Variants in QKI observed in about 807,000 individuals in gnomAD.
QKI encodes KH domain-containing RNA-binding protein QKI.
A neutral mutation model predicts 39.0 loss-of-function variants in QKI; 10 were observed. That is an observed-to-expected ratio of 0.26 (90% CI 0.16 to 0.43). The LOEUF is 0.43. QKI is among the 20% of genes least tolerant of loss of function. The pLI, the probability that QKI is intolerant of heterozygous loss-of-function variation, is 1.00. For missense variants in QKI, 218 were observed against 428.0 expected, an observed-to-expected ratio of 0.51 and a Z score of 4.33; for synonymous variants, 204 against 155.4, an observed-to-expected ratio of 1.31 and a Z score of -2.33.
chr6:163,459,466 T>A (rs1043773016), intron 2 of QKI, among the ~76,000 whole-genome samples: 8 of 152,108 alleles, frequency 5.3e-5, no homozygotes, highest in East Asian at 3.8e-4. Flanking sequence ...AACAAAGAAT[T>A]ACCTGGACCC....
At chr6:163,552,084 A>T (rs561057341) in intron 4 of QKI, among the ~76,000 whole-genome samples, 201 of 152,256 alleles carry the variant, frequency 1.3e-3, no homozygotes, top group African/African-American at 4.6e-3. Flanking sequence ...TATGTATATT[A>T]TATACTGTAT....
chr6:163,484,274 G>A (rs1562477956), intron 3 of QKI, among the ~76,000 whole-genome samples: 3 of 151,358 alleles, frequency 2.0e-5, no homozygotes. Flanking sequence ...GCAATCTCAG[G>A]TCACTGCAAC....
At chr6:163,477,128 GC>G (rs1408916607) in intron 2 of QKI, among the ~76,000 whole-genome samples, 1 of 150,368 alleles carries the variant, frequency 6.7e-6, no homozygotes, top group African/African-American at 2.5e-5. Flanking sequence ...TGATTCTCAT[GC>G]CTCGGCCACC....
rs914405471 is a variant in QKI, at chr6:163,578,460, T to A, written c.*7750T>A. Reference sequence around the variant, plus strand: ...GTTTTCAATGATTGATTTATAAAATTAAGACATACTGGTAGTACAAGTTGA... The same window carrying A: ...GTTTTCAATGATTGATTTATAAAATAAAGACATACTGGTAGTACAAGTTGA... On this transcript the variant is annotated 3_prime_UTR_variant, in exon 8 of 8. Coordinates refer to ENST00000361752, the MANE Select transcript of QKI (RefSeq NM_006775.3). 2.6e-5 allele frequency: 4 copies of A among 152,208 alleles called. No homozygotes were observed. The highest frequency in any genetic ancestry group is 5.9e-5 in the Non-Finnish European group (4 of 68,044). 9.4% of individuals were successfully genotyped at this position (152,208 alleles called of 1,614,324 possible). A position where few individuals can be genotyped will look rare whatever the true frequency, so the allele number is the denominator to read the frequency against.
chr6:163,564,300 T>C, intron 6 of QKI: 8 of 1,003,966 alleles, frequency 8.0e-6, no homozygotes, highest in Non-Finnish European at 9.8e-6. Flanking sequence ...CATCATAGAG[T>C]GTACTTACAC....
At chr6:163,545,672 C>T (rs760480692) in intron 4 of QKI, among the ~76,000 whole-genome samples, 1 of 152,046 alleles carries the variant, frequency 6.6e-6, no homozygotes, top group Non-Finnish European at 1.5e-5. Context: ...GAATAACATC[C>T]TCCTCTTGAT....
intron 3 of QKI, among the ~76,000 whole-genome samples, chr6:163,482,707 G>A (rs1243840245): frequency 6.6e-6 from 1 of 152,282 alleles, no homozygotes; most frequent in African/African-American, 2.4e-5. Flanking sequence ...CAAGACATGT[G>A]GGAAGGGGCT....
chr6:163,537,516 G>A (rs992409190), intron 4 of QKI, among the ~76,000 whole-genome samples: 2 of 152,142 alleles, frequency 1.3e-5, no homozygotes, highest in Non-Finnish European at 2.9e-5. Flanking sequence ...ATCTTGAAAT[G>A]TACCTTTAAT....
chr6:163,472,588 T>C (rs1363437830), intron 2 of QKI, among the ~76,000 whole-genome samples: 4 of 152,208 alleles, frequency 2.6e-5, no homozygotes. Context: ...TTTGCATTCT[T>C]TTTAAGCACC....
chr6:163,451,814 T>C (rs924289690), intron 1 of QKI, among the ~76,000 whole-genome samples: 16 of 152,192 alleles, frequency 1.1e-4, no homozygotes, highest in Non-Finnish European at 2.1e-4. Flanking sequence ...AGCATTCCTA[T>C]GTTTCATGAG....
chr6:163,473,414 T>A (rs1374820306), intron 2 of QKI, among the ~76,000 whole-genome samples: 1 of 152,150 alleles, frequency 6.6e-6, no homozygotes, highest in Non-Finnish European at 1.5e-5. Context: ...GCAGATGGCA[T>A]GGACACAATG....
At chr6:163,446,836 T>G (rs1399208316) in intron 1 of QKI, among the ~76,000 whole-genome samples, 3 of 152,178 alleles carry the variant, frequency 2.0e-5, no homozygotes, top group Non-Finnish European at 4.4e-5. Context: ...CAGTGACCTA[T>G]TTTACTTTCT....
chr6:163,414,839 C>CG lies in QKI; in HGVS notation c.-353dup, dbSNP rs1787284100. 1 of 143,890 alleles carries CG rather than the reference C, an allele frequency of 6.9e-6. No homozygotes were observed. The highest frequency in any genetic ancestry group is 2.5e-5 in the African/African-American group (1 of 39,804). 8.9% of individuals were successfully genotyped at this position (143,890 alleles called of 1,614,324 possible). ...CGGGCTCGACCAGCCGAGCGAGCGG[C>CG]GGCCCCGGCTCCTCCTCGTCCGGCG... is the stretch of plus-strand genomic sequence containing the variant. On this transcript the variant is annotated 5_prime_UTR_variant, in exon 1 of 8. Transcript: ENST00000361752.
chr6:163,436,392 T>C (rs1296174398), intron 1 of QKI, among the ~76,000 whole-genome samples: 1 of 151,978 alleles, frequency 6.6e-6, no homozygotes, highest in Admixed American at 6.6e-5. Flanking sequence ...AGGTATAGAA[T>C]TGGAGAAGTT....
chr6:163,423,428 A>G (rs1788162149), intron 1 of QKI: 1 of 152,240 alleles, frequency 6.6e-6, no homozygotes, highest in Non-Finnish European at 1.5e-5. Flanking sequence ...GTATATGTTC[A>G]TTTCATAGGT....
chr6:163,556,503 C>CAAAAAAAAA (rs61233361), intron 4 of QKI, among the ~76,000 whole-genome samples: 10 of 83,020 alleles, frequency 1.2e-4, no homozygotes, highest in Non-Finnish European at 2.0e-4. Context: ...AATTCCACCT[C>CAAAAAAAAA]AAAAAAAAAA....
intron 1 of QKI, among the ~76,000 whole-genome samples, chr6:163,431,568 ACTTAT>A (rs1290194499): frequency 6.6e-6 from 1 of 152,126 alleles, no homozygotes; most frequent in Non-Finnish European, 1.5e-5. Flanking sequence ...AAAGAAAAAT[ACTTAT>A]CTTTGTTAGG....
chr6:163,472,906 C>G (rs1792309951), intron 2 of QKI, among the ~76,000 whole-genome samples: 1 of 151,008 alleles, frequency 6.6e-6, no homozygotes, highest in African/African-American at 2.4e-5. Flanking sequence ...ATACAATAAG[C>G]AAAATATTCA....
At chr6:163,515,545 G>A (rs1779739646) in intron 3 of QKI, among the ~76,000 whole-genome samples, 1 of 152,128 alleles carries the variant, frequency 6.6e-6, no homozygotes, top group Non-Finnish European at 1.5e-5. Flanking sequence ...CAGTCAAAAT[G>A]ATGAAATTTG....
Sources: gnomAD v4.1 joint callset for allele counts (sites outside exome capture counted in the v4.1 genomes callset) on GRCh38, gnomAD v4.1.1 for gene constraint, MANE v1.5 for transcripts, NCBI Gene and HGNC (gene_info 2026-07-23, HGNC 2026-07-21) for gene names.